DDHD2: variants seen among roughly 807,000 people sequenced by gnomAD.
The protein encoded by DDHD2 is DDHD domain containing 2.
In DDHD2, 62 loss-of-function variants were observed where a neutral mutation model predicts 91.2. The ratio of observed to expected loss-of-function variants is 0.68; its 90% CI spans 0.55 to 0.84. The LOEUF is 0.84. Ranked by LOEUF, DDHD2 falls within the 40% of genes least tolerant of loss-of-function variation. DDHD2 has a pLI of 0.00. For missense variants in DDHD2, 740 were observed against 846.9 expected (o/e 0.87, Z 1.57); for synonymous variants, 271 against 293.9 (o/e 0.92, Z 0.80).
intron 3 of DDHD2, among the ~76,000 whole-genome samples, chr8:38,236,753 C>T (rs1189449805): frequency 6.6e-6 from 1 of 152,098 alleles, no homozygotes; most frequent in East Asian, 1.9e-4. Flanking sequence ...CTCCCAACCT[C>T]AGGTGATCCA....
At chr8:38,252,311 G>C in intron 13 of DDHD2, 24 bp downstream of exon 13, 1 of 1,578,648 alleles carries the variant, frequency 6.3e-7, no homozygotes. Context: ...AGCTATTGTG[G>C]TTTTACCTAA....
intron 15 of DDHD2, 79 bp downstream of exon 15, chr8:38,253,206 T>C (rs997652659): frequency 7.4e-7 from 1 of 1,345,788 alleles, no homozygotes; most frequent in African/African-American, 1.5e-5. Flanking sequence ...GTTAATTTAA[T>C]TTAATTTCAC....
chr8:38,243,550 G>T (rs1045343348), intron 7 of DDHD2, among the ~76,000 whole-genome samples: 1 of 152,084 alleles, frequency 6.6e-6, no homozygotes, highest in African/African-American at 2.4e-5. Flanking sequence ...TCAACACATG[G>T]CTGGTTCTGC....
chr8:38,257,238 G>GTTTTT (rs749469533), intron 16 of DDHD2, among the ~76,000 whole-genome samples: 7 of 63,804 alleles, frequency 1.1e-4, no homozygotes, highest in Non-Finnish European at 1.9e-4. Context: ...TGGCCAACAA[G>GTTTTT]TTTTTTTTTT....
chr8:38,253,796 T>C, intron 16 of DDHD2, 78 bp downstream of exon 16: 1 of 1,445,704 alleles, frequency 6.9e-7, no homozygotes, highest in South Asian at 1.2e-5. Flanking sequence ...AAAAGGAGGA[T>C]AGGCCAGGTG....
At chr8:38,268,813 G>T in intron 1 of DDHD2, 1 of 1,458,090 alleles carries the variant, frequency 6.9e-7, no homozygotes, top group Non-Finnish European at 9.0e-7. Flanking sequence ...TCTCGGGGTG[G>T]AAAACGCACA....
intron 1 of DDHD2, chr8:38,268,035 G>A (rs1807948771): frequency 5.0e-6 from 8 of 1,606,998 alleles, no homozygotes; most frequent in Non-Finnish European, 6.8e-6. Flanking sequence ...TATGAGAGCA[G>A]CCGTGCTGTT....
intron 6 of DDHD2, 99 bp downstream of exon 6, chr8:38,240,463 T>A (rs1805164913): frequency 1.1e-6 from 1 of 878,418 alleles, no homozygotes; most frequent in African/African-American, 1.7e-5. Context: ...ATAAGAAGAT[T>A]TGGAGAGTTA....
At chr8:38,268,937 C>T in intron 1 of DDHD2, 2 of 1,562,450 alleles carry the variant, frequency 1.3e-6, no homozygotes, top group Non-Finnish European at 1.7e-6. Context: ...CCGGTAGAGC[C>T]ACATCTCCTC....
chr8:38,266,414 A>G (rs1807596970), downstream of DDHD2: 1 of 1,137,138 alleles, frequency 8.8e-7, no homozygotes, highest in Non-Finnish European at 1.2e-6. Flanking sequence ...TTATTTATTT[A>G]TTTTTTGAGA....
chr8:38,266,523 C>G (rs1005598795), downstream of DDHD2: 17 of 482,304 alleles, frequency 3.5e-5, no homozygotes, highest in African/African-American at 3.2e-4. Context: ...GCCTTAGCCT[C>G]CCGAGTAGCT....
At chr8:38,242,117 C>T (rs1563303196) in intron 6 of DDHD2, 133 bp from the exon 7 acceptor site, 3 of 686,620 alleles carry the variant, frequency 4.4e-6, no homozygotes, top group Non-Finnish European at 6.9e-6. Context: ...TCCTGAATAC[C>T]ACTTTATTTT....
Position 38,242,503 on chromosome 8 carries a change from T to C in DDHD2, c.848+118T>C, listed in dbSNP as rs929897749. 13 of 1,040,570 alleles carry C rather than the reference T, an allele frequency of 1.2e-5. No homozygotes were observed. In the African/African-American group the frequency reaches 1.5e-4, roughly 12 times the overall value. The allele number at this position is 1,040,570 out of a possible 1,614,324, so 64.5% of individuals were successfully genotyped here. ...GAATATTTAAAATTTCTTAGAGATA[T>C]GCTATTAAATGCTGATCAGTCCCTT... On this transcript the variant is annotated intron_variant, in intron 7 of 17. Transcript: ENST00000397166.
At chr8:38,233,700 G>A (rs578000489) in intron 2 of DDHD2, among the ~76,000 whole-genome samples, 1 of 152,086 alleles carries the variant, frequency 6.6e-6, no homozygotes, top group South Asian at 2.1e-4. Flanking sequence ...AGGCCAAGGC[G>A]AGCAGATCAC....
chr8:38,267,257 A>G, downstream of DDHD2: 1 of 1,613,960 alleles, frequency 6.2e-7, no homozygotes, highest in Non-Finnish European at 8.5e-7. Context: ...AGTCCATATG[A>G]TATTCATACA....
intron 11 of DDHD2, 65 bp downstream of exon 11, chr8:38,249,868 T>C (rs898462018): frequency 3.5e-5 from 40 of 1,146,558 alleles, no homozygotes; most frequent in Admixed American, 2.0e-4. Flanking sequence ...GTCCTTGTGC[T>C]TTGTGGGATG....
At position 38,253,623 on chromosome 8, in the gene DDHD2, G is replaced by A; in HGVS notation, c.1959G>A (p.Leu653=). The A allele has an allele frequency of 6.2e-7, 1 of 1,614,046 alleles. No homozygotes were observed. The highest frequency in any genetic ancestry group is 8.5e-7 in the Non-Finnish European group (1 of 1,179,888). Residue 653 remains leucine (L), a synonymous_variant, in exon 16 of 18, where the codon CTG becomes CTA. Transcript: ENST00000397166. Reference sequence around the variant, plus strand: ...TCCTGCCTATCAATGTGGGGATGCTGAATGGAGGCCAACGCATTGACTATG... The same window carrying A: ...TCCTGCCTATCAATGTGGGGATGCTAAATGGAGGCCAACGCATTGACTATG... The part of the protein sequence containing the change: ...EEVLPINVGM[L]NGGQRIDYVL...
intron 1 of DDHD2, chr8:38,267,856 G>A (rs772754864): frequency 5.6e-6 from 9 of 1,597,414 alleles, no homozygotes; most frequent in South Asian, 1.1e-5. Flanking sequence ...GGTGGGTAAG[G>A]GCTGAGGCAG....
At chr8:38,253,497 C>A in intron 15 of DDHD2, 59 bp from the exon 16 acceptor site, 1 of 1,473,480 alleles carries the variant, frequency 6.8e-7, no homozygotes, top group South Asian at 1.3e-5. Context: ...GAGAAGTTAA[C>A]AGGATAACCC....
Sources: allele counts gnomAD v4.1 joint callset (sites outside exome capture counted in the v4.1 genomes callset), GRCh38; gene constraint gnomAD v4.1.1; transcripts MANE v1.5; gene names NCBI Gene and HGNC (gene_info 2026-07-23, HGNC 2026-07-21).